CNTLN: variants seen among roughly 807,000 people sequenced by gnomAD.
CNTLN encodes the protein centlein, centrosomal protein.
A neutral mutation model predicts 180.0 loss-of-function variants in CNTLN; 212 were observed. The ratio of observed to expected loss-of-function variants is 1.18; its 90% CI spans 1.05 to 1.32. The LOEUF is 1.32. CNTLN is among the 40% of genes most tolerant of loss of function. The probability of loss-of-function intolerance (pLI) is 0.00; values close to 1 mark genes in which losing one functional copy is unlikely to be tolerated. For missense variants in CNTLN, 2,095 were observed against 1,610.9 expected, an observed-to-expected ratio of 1.30 and a Z score of -5.14; for synonymous variants, 722 against 563.1, an observed-to-expected ratio of 1.28 and a Z score of -3.99.
At chr9:17,171,898 A>G (rs1269079788) in intron 2 of CNTLN, among the ~76,000 whole-genome samples, 1 of 151,928 alleles carries the variant, frequency 6.6e-6, no homozygotes, top group Non-Finnish European at 1.5e-5. Context: ...GTGCAAGCAC[A>G]TTAGAGTAGC....
At chr9:17,460,022 G>A (rs1446055650) in intron 19 of CNTLN, among the ~76,000 whole-genome samples, 1 of 151,590 alleles carries the variant, frequency 6.6e-6, no homozygotes, top group Non-Finnish European at 1.5e-5. Context: ...AATGTTTTTA[G>A]ACTTAATTGA....
intron 18 of CNTLN, among the ~76,000 whole-genome samples, chr9:17,423,283 C>T (rs1828854428): frequency 6.6e-6 from 1 of 152,102 alleles, no homozygotes; most frequent in African/African-American, 2.4e-5. Flanking sequence ...TGAATCGTGC[C>T]AGAACTGGGT....
intron 19 of CNTLN, among the ~76,000 whole-genome samples, chr9:17,458,874 C>G (rs10810790): frequency 6.6e-6 from 1 of 151,468 alleles, no homozygotes; most frequent in African/African-American, 2.4e-5. Flanking sequence ...TGTGCAATTT[C>G]GGGGCATGAA....
At position 17,494,795 on chromosome 9, in the gene CNTLN, C is replaced by T. The variant is rs1002399934; in HGVS notation, c.4119+7729C>T. The stretch of plus-strand genomic sequence containing the variant: ...TGCTGCCACCCATAGAAAAGTATAG[C>T]GTATACAATTATGTACTGCACATAA... On this transcript the variant is annotated intron_variant, in intron 25 of 25. Coordinates refer to ENST00000380647, the MANE Select transcript of CNTLN (RefSeq NM_017738.4). The T allele has an allele frequency of 2.6e-5, 9 of 344,324 alleles. No individual in the cohort carries two copies. In the Admixed American group the frequency reaches 3.4e-4, roughly 13 times the overall value. 21.3% of individuals were successfully genotyped at this position (344,324 alleles called of 1,614,324 possible).
downstream of CNTLN, among the ~76,000 whole-genome samples, chr9:17,507,591 G>A (rs1056097389): frequency 5.9e-5 from 9 of 152,048 alleles, no homozygotes; most frequent in Admixed American, 2.6e-4. Context: ...TTCCATGCAC[G>A]TAACTGCCTT....
chr9:17,250,733 A>G (rs571964324), intron 5 of CNTLN, among the ~76,000 whole-genome samples: 3 of 152,180 alleles, frequency 2.0e-5, no homozygotes, highest in East Asian at 1.9e-4. Flanking sequence ...TATGTAGTTT[A>G]TATAGTTTTT....
At chr9:17,166,723 A>G (rs1820093399) in intron 2 of CNTLN, 2 of 265,316 alleles carry the variant, frequency 7.5e-6, no homozygotes, top group African/African-American at 4.7e-5. Context: ...TCAACCTAAA[A>G]TTCTATAACC....
intron 8 of CNTLN, among the ~76,000 whole-genome samples, chr9:17,311,064 G>T (rs1198648528): frequency 6.6e-6 from 1 of 150,974 alleles, no homozygotes; most frequent in Non-Finnish European, 1.5e-5. Flanking sequence ...TGCTTTTGTT[G>T]TCCAGGCTGG....
downstream of CNTLN, among the ~76,000 whole-genome samples, chr9:17,504,165 A>C (rs1441906063): frequency 1.3e-5 from 2 of 152,184 alleles, no homozygotes; most frequent in Admixed American, 1.3e-4. Flanking sequence ...AATGACCATC[A>C]AATGTCACAC....
At chr9:17,342,522 G>A (rs1821565223) in intron 12 of CNTLN, 78 bp downstream of exon 12, 3 of 1,240,986 alleles carry the variant, frequency 2.4e-6, no homozygotes, top group East Asian at 2.5e-5. Context: ...AGCTATTAAA[G>A]AAACACTTTA....
At chr9:17,180,759 A>AT (rs1821077191) in intron 2 of CNTLN, among the ~76,000 whole-genome samples, 1 of 151,750 alleles carries the variant, frequency 6.6e-6, no homozygotes, top group Non-Finnish European at 1.5e-5. Flanking sequence ...CCCCCCTCCT[A>AT]TTTTTTAAGA....
chr9:17,474,536 C>T (rs929027908), intron 23 of CNTLN, among the ~76,000 whole-genome samples: 1 of 152,142 alleles, frequency 6.6e-6, no homozygotes, highest in Non-Finnish European at 1.5e-5. Context: ...TGATCCAGAA[C>T]AGTCTTTTCT....
chr9:17,423,016 C>T (rs548412626), intron 18 of CNTLN, among the ~76,000 whole-genome samples: 8 of 152,264 alleles, frequency 5.3e-5, no homozygotes, highest in African/African-American at 1.9e-4. Flanking sequence ...AGGAGAATTC[C>T]CTGGATTGCC....
In CNTLN at chr9:17,290,616, C is replaced by T. The variant is rs1011414382; in HGVS notation, c.984-7574C>T. 3.0e-4 allele frequency among the ~76,000 whole-genome samples: 43 copies of T among 145,256 alleles called. 2 individuals carry two copies. Among genetic ancestry groups the T allele is most frequent in the African/African-American group, 9.5e-4 (38 of 40,076 alleles). On this transcript the variant is annotated intron_variant, in intron 6 of 25. Transcript: ENST00000380647. ...GGCGCCCCTCCCCCAGCCTGGCTGCCGCCTTGCAGTTTGATCTCAGACTGC... is the reference window on the plus strand; with the variant it reads ...GGCGCCCCTCCCCCAGCCTGGCTGCTGCCTTGCAGTTTGATCTCAGACTGC...
intron 15 of CNTLN, among the ~76,000 whole-genome samples, chr9:17,397,298 A>C (rs1826610474): frequency 6.6e-6 from 1 of 152,216 alleles, no homozygotes; most frequent in Admixed American, 6.5e-5. Flanking sequence ...TAAGAAAGTA[A>C]AGGAATAAAA....
intron 15 of CNTLN, among the ~76,000 whole-genome samples, chr9:17,405,810 T>C (rs1382222114): frequency 1.3e-5 from 2 of 151,632 alleles, no homozygotes; most frequent in Admixed American, 6.6e-5. Context: ...TTTTTTTAGA[T>C]GGAGTTTTGC....
intron 23 of CNTLN, among the ~76,000 whole-genome samples, chr9:17,478,185 A>G (rs1041265538): frequency 1.3e-5 from 2 of 152,266 alleles, no homozygotes; most frequent in Non-Finnish European, 2.9e-5. Flanking sequence ...GCTTATAAAC[A>G]TAACTTTTAC....
intron 5 of CNTLN, among the ~76,000 whole-genome samples, chr9:17,256,938 A>C (rs2132321368): frequency 6.6e-6 from 1 of 151,984 alleles, no homozygotes. Context: ...GCAGGAGCTC[A>C]GTCCAGACCA....
At chr9:17,440,588 C>CAAAAAAAAAAAAAAAAAAAAAAAAA (rs35350865) in intron 18 of CNTLN, among the ~76,000 whole-genome samples, 5 of 114,634 alleles carry the variant, frequency 4.4e-5, no homozygotes, top group African/African-American at 1.8e-4. Context: ...GACTCCGTCT[C>CAAAAAAAAAAAAAAAAAAAAAAAAA]AAAAAAAAAA....
Sources: allele counts gnomAD v4.1 joint callset (sites outside exome capture counted in the v4.1 genomes callset), GRCh38; gene constraint gnomAD v4.1.1; transcripts MANE v1.5; gene names NCBI Gene and HGNC (gene_info 2026-07-23, HGNC 2026-07-21).